Variants in SCHIP1 observed in about 807,000 individuals in gnomAD.
SCHIP1 encodes schwannomin-interacting protein 1.
SCHIP1 carries 8 observed loss-of-function variants against 29.7 expected under a neutral mutation model. That is an observed-to-expected ratio of 0.27 (90% CI 0.16 to 0.49). The LOEUF is 0.49. SCHIP1 is among the 20% of genes least tolerant of loss of function. The probability of loss-of-function intolerance (pLI) is 0.99; values close to 1 mark genes in which losing one functional copy is unlikely to be tolerated. For missense variants in SCHIP1, 193 were observed against 294.6 expected (o/e 0.66, Z 2.52); for synonymous variants, 76 against 94.9 (o/e 0.80, Z 1.16).
chr3:159,794,226 C>T, the SCHIP1 span, among the ~76,000 whole-genome samples: 1 of 152,210 alleles, frequency 6.6e-6, no homozygotes, highest in Non-Finnish European at 1.5e-5. Context: ...GAGTCAGCCA[C>T]AGCTTCCCTC....
chr3:159,841,903 C>T (rs1021017186), intron 1 of SCHIP1, among the ~76,000 whole-genome samples: 2 of 152,140 alleles, frequency 1.3e-5, no homozygotes, highest in African/African-American at 4.8e-5. Flanking sequence ...GTAGAACTAC[C>T]TACATGTGTA....
the SCHIP1 span, among the ~76,000 whole-genome samples, chr3:159,424,971 C>T: frequency 1.3e-5 from 2 of 151,918 alleles, no homozygotes; most frequent in Non-Finnish European, 1.5e-5. Context: ...AAATAAAATA[C>T]TTTACAGACA....
chr3:159,819,036 G>A, the SCHIP1 span, among the ~76,000 whole-genome samples: 7 of 152,302 alleles, frequency 4.6e-5, no homozygotes, highest in African/African-American at 1.7e-4. Context: ...GACACTTTAG[G>A]CAGAATGTGC....
the SCHIP1 span, among the ~76,000 whole-genome samples, chr3:159,302,995 G>T: frequency 6.6e-6 from 1 of 152,142 alleles, no homozygotes; most frequent in Admixed American, 6.5e-5. Flanking sequence ...CTTATATGAG[G>T]TAAGTATTAT....
the SCHIP1 span, among the ~76,000 whole-genome samples, chr3:159,497,912 C>A: frequency 6.6e-6 from 1 of 152,150 alleles, no homozygotes; most frequent in East Asian, 1.9e-4. Flanking sequence ...CATGGCAAAT[C>A]TAACAATTCA....
the SCHIP1 span, among the ~76,000 whole-genome samples, chr3:159,588,990 AT>A: frequency 6.6e-6 from 1 of 152,090 alleles, no homozygotes; most frequent in African/African-American, 2.4e-5. Flanking sequence ...TTTTTTTCCA[AT>A]TCTGTGAAGG....
the SCHIP1 span, among the ~76,000 whole-genome samples, chr3:159,536,895 C>G: frequency 6.6e-6 from 1 of 152,154 alleles, no homozygotes; most frequent in African/African-American, 2.4e-5. Context: ...TTACTATCAT[C>G]TAGCTCTTGA....
chr3:159,428,945 A>G, the SCHIP1 span, among the ~76,000 whole-genome samples: 1 of 151,952 alleles, frequency 6.6e-6, no homozygotes, highest in Non-Finnish European at 1.5e-5. Flanking sequence ...CTATCGCAAG[A>G]ACAAAAAGCC....
the SCHIP1 span, among the ~76,000 whole-genome samples, chr3:159,464,159 G>A: frequency 6.6e-6 from 1 of 152,170 alleles, no homozygotes; most frequent in Admixed American, 6.6e-5. Context: ...TAGCAGCAGT[G>A]AGAGAATATG....
At chr3:159,487,129 A>AG in the SCHIP1 span, among the ~76,000 whole-genome samples, 150,908 of 152,274 alleles carry the variant, frequency 0.99, 74,780 homozygotes, top group East Asian at 1. Flanking sequence ...TCTAAGATTC[A>AG]CCTGTCTTCT....
the SCHIP1 span, chr3:159,764,681 A>C: frequency 6.3e-7 from 1 of 1,584,940 alleles, no homozygotes. The surrounding 1 kb of genome is among the most constrained non-coding windows in gnomAD (Gnocchi z 6.1). Flanking sequence ...GGGGAGGAGG[A>C]GGAAGAGGAG....
the SCHIP1 span, among the ~76,000 whole-genome samples, chr3:159,324,033 A>G: frequency 3.3e-5 from 5 of 152,120 alleles, no homozygotes; most frequent in African/African-American, 4.8e-5. Flanking sequence ...GATTGTTACT[A>G]GAGATAGCAA....
chr3:159,654,726 C>A, the SCHIP1 span, among the ~76,000 whole-genome samples: 1 of 147,756 alleles, frequency 6.8e-6, no homozygotes, highest in African/African-American at 2.5e-5. Flanking sequence ...ATGGATGGAG[C>A]TACGGGACAC....
chr3:159,869,365 A>G lies in SCHIP1; in HGVS notation c.149+3084A>G, dbSNP rs1390654275. ...TCATTAGATTTCCTACCAAGAGTCG[A>G]AAGTGTTGAGTTTTTAAAAGTCTGC... On this transcript the variant is annotated intron_variant, in intron 2 of 6. Coordinates refer to ENST00000445224, the Ensembl canonical transcript of SCHIP1. Among the ~76,000 whole-genome samples the G allele has an allele frequency of 3.9e-5, 6 of 151,948 alleles. No homozygotes were observed. In the East Asian group the frequency reaches 1.2e-3, roughly 29 times the overall value.
At chr3:159,295,274 A>C in the SCHIP1 span, among the ~76,000 whole-genome samples, 5 of 140,864 alleles carry the variant, frequency 3.5e-5, no homozygotes, top group African/African-American at 1.3e-4. Context: ...AAAAAAAAAA[A>C]AACAACTAGC....
the SCHIP1 span, among the ~76,000 whole-genome samples, chr3:159,530,213 C>A: frequency 6.6e-6 from 1 of 152,114 alleles, no homozygotes; most frequent in African/African-American, 2.4e-5. Context: ...ACATTCCCAC[C>A]AACAGGGAAG....
At chr3:159,573,774 A>G in the SCHIP1 span, among the ~76,000 whole-genome samples, 1 of 152,156 alleles carries the variant, frequency 6.6e-6, no homozygotes, top group Admixed American at 6.5e-5. Flanking sequence ...GTCTTTTCAT[A>G]TAGTCCCATA....
At chr3:159,635,355 T>C in the SCHIP1 span, among the ~76,000 whole-genome samples, 26,554 of 152,082 alleles carry the variant, frequency 0.17, 5,619 homozygotes, top group African/African-American at 0.51. Context: ...AGTCAGGGAC[T>C]CGAGGGGCAA....
At chr3:159,487,359 G>T in the SCHIP1 span, among the ~76,000 whole-genome samples, 5 of 152,022 alleles carry the variant, frequency 3.3e-5, no homozygotes, top group African/African-American at 1.2e-4. Flanking sequence ...CATGGTTTAC[G>T]GCTGGAGGTT....
Sources: gnomAD v4.1 joint callset for allele counts (sites outside exome capture counted in the v4.1 genomes callset) on GRCh38, gnomAD v4.1.1 for gene constraint, Gnocchi (gnomAD v3.1) non-coding constraint, MANE v1.5 for transcripts, NCBI Gene and HGNC (gene_info 2026-07-23, HGNC 2026-07-21) for gene names.